The following MMP26 variants were observed in gnomAD, a reference collection of about 807,000 sequenced individuals.
MMP26 encodes matrix metallopeptidase 26.
In MMP26, 33 loss-of-function variants were observed where a neutral mutation model predicts 31.0. That is an observed-to-expected ratio of 1.06 (90% CI 0.81 to 1.42). The LOEUF is 1.42. Ranked by LOEUF, MMP26 falls within the 40% of genes most tolerant of loss-of-function variation. The pLI, the probability that MMP26 is intolerant of heterozygous loss-of-function variation, is 0.00. For synonymous variants in MMP26, 122 were observed against 114.9 expected (o/e 1.06, Z -0.40); for missense variants, 347 against 316.1 (o/e 1.10, Z -0.74).
intron 2 of MMP26, among the ~76,000 whole-genome samples, chr11:4,931,054 T>C (rs1851339729): frequency 6.6e-6 from 1 of 151,902 alleles, no homozygotes; most frequent in African/African-American, 2.4e-5. Flanking sequence ...AGTAGAAAGA[T>C]AGATAAATGT....
intron 2 of MMP26, among the ~76,000 whole-genome samples, chr11:4,938,643 C>T (rs1458440927): frequency 6.6e-6 from 1 of 151,956 alleles, no homozygotes; most frequent in Non-Finnish European, 1.5e-5. Context: ...CTCATAAAAC[C>T]AGTTATCTTA....
intron 2 of MMP26, chr11:4,859,689 G>T: frequency 4.2e-6 from 2 of 470,948 alleles, no homozygotes; most frequent in Non-Finnish European, 8.8e-6. Flanking sequence ...TGTAGACAAT[G>T]GGGTTTAGCA....
At chr11:4,930,295 A>C (rs1851328655) in intron 2 of MMP26, among the ~76,000 whole-genome samples, 1 of 152,092 alleles carries the variant, frequency 6.6e-6, no homozygotes. Flanking sequence ...TGAAGAAACC[A>C]TTTGTTGCCT....
intron 2 of MMP26, among the ~76,000 whole-genome samples, chr11:4,809,163 A>G (rs1387926146): frequency 1.3e-5 from 2 of 151,990 alleles, no homozygotes; most frequent in Non-Finnish European, 2.9e-5. Flanking sequence ...TCTCCCCAAC[A>G]CTGCTTTTAA....
chr11:4,933,991 G>A (rs891791535), intron 2 of MMP26, among the ~76,000 whole-genome samples: 14 of 145,398 alleles, frequency 9.6e-5, no homozygotes, highest in African/African-American at 3.6e-4. Context: ...CATTTGGCTT[G>A]GTTCCAAGTC....
chr11:4,897,072 C>G (rs1452837201), intron 2 of MMP26, among the ~76,000 whole-genome samples: 1 of 151,838 alleles, frequency 6.6e-6, no homozygotes, highest in East Asian at 1.9e-4. Flanking sequence ...TTACTCATGA[C>G]CTATCCTTAT....
intron 1 of MMP26, among the ~76,000 whole-genome samples, chr11:4,738,189 C>G (rs1408728196): frequency 6.6e-6 from 1 of 152,130 alleles, no homozygotes; most frequent in African/African-American, 2.4e-5. Flanking sequence ...TGTTTGCCAC[C>G]TTTCCTTCTT....
chr11:4,822,321 G>A, intron 2 of MMP26: 1 of 1,497,952 alleles, frequency 6.7e-7, no homozygotes, highest in Non-Finnish European at 8.9e-7. Context: ...AGATTAAGCA[G>A]ATTCAAAAGG....
rs1848045991 is a variant in MMP26 at position 4,723,354 on chromosome 11, C to T, written c.-217+18309C>T. On this transcript the variant is annotated intron_variant, in intron 1 of 7. Transcript: ENST00000380390. The stretch of plus-strand genomic sequence containing the variant: ...ACTTGATCTGGTGCATGCTCTCAGC[C>T]TCCGCCCGGCTGCGGTTGGAGATCA... 3 of 970,034 alleles carry T rather than the reference C, an allele frequency of 3.1e-6. No homozygotes were observed. In the Admixed American group the frequency reaches 5.1e-5, roughly 16 times the overall value. 60.1% of individuals were successfully genotyped at this position (970,034 alleles called of 1,614,324 possible). A position where few individuals can be genotyped will look rare whatever the true frequency, so the allele number is the denominator to read the frequency against.
chr11:4,971,523 T>G (rs1349569021), intron 2 of MMP26, among the ~76,000 whole-genome samples: 1 of 152,168 alleles, frequency 6.6e-6, no homozygotes, highest in Non-Finnish European at 1.5e-5. Context: ...GGAGAGGGAT[T>G]GGGCTCAACT....
In MMP26 at chr11:4,808,652, TC is replaced by T. The variant is rs536477720; in HGVS notation, c.-145+41312del. 5.3e-4 allele frequency among the ~76,000 whole-genome samples: 80 copies of T among 152,150 alleles called. 1 individual carries two copies. Among genetic ancestry groups the T allele is most frequent in the South Asian group, 3.5e-3 (17 of 4,808 alleles). On this transcript the variant is annotated intron_variant, in intron 2 of 7. Coordinates refer to ENST00000380390, the MANE Select transcript of MMP26 (RefSeq NM_021801.5). The stretch of plus-strand genomic sequence containing the variant: ...TTCTGTCTTCCCATTCACTCATACT[TC>T]TGACTCCCCAGTAGGCTTTTCACAG...
rs188136688 is a variant in MMP26, at chr11:4,754,347, A to G, written c.-216-12923A>G. 1.4e-4 allele frequency among the ~76,000 whole-genome samples: 21 copies of G among 152,040 alleles called. No homozygotes were observed. In the East Asian group the frequency reaches 2.3e-3, roughly 17 times the overall value. ...ATGTGGGACAGATATCTATATTTGA[A>G]GATTTCTGATTATTTAAAATTTGTA... On this transcript the variant is annotated intron_variant, in intron 1 of 7. Transcript: ENST00000380390.
chr11:4,934,888 G>A (rs1410788185), intron 2 of MMP26, among the ~76,000 whole-genome samples: 3 of 151,060 alleles, frequency 2.0e-5, no homozygotes, highest in Admixed American at 6.6e-5. Context: ...ATAGTTGTAG[G>A]TATGCGGCGT....
chr11:4,740,583 C>T (rs150241364), intron 1 of MMP26, among the ~76,000 whole-genome samples: 2,120 of 150,724 alleles, frequency 0.014, 46 homozygotes, highest in African/African-American at 0.049. Flanking sequence ...CTCAGGAGGC[C>T]GAGGCAGGAG....
chr11:4,825,755 A>G (rs1403964115), intron 2 of MMP26, among the ~76,000 whole-genome samples: 1 of 152,122 alleles, frequency 6.6e-6, no homozygotes, highest in Non-Finnish European at 1.5e-5. Context: ...TAGCAACCAG[A>G]TTTTGTTATC....
chr11:4,982,075 T>TATATACACACAATATAC (rs1219313989), intron 2 of MMP26, among the ~76,000 whole-genome samples: 8 of 151,624 alleles, frequency 5.3e-5, no homozygotes, highest in African/African-American at 1.9e-4. Flanking sequence ...TGTATATATA[T>TATATACACACAATATAC]ATATACACAC....
At chr11:4,960,991 T>C (rs768482544) in intron 2 of MMP26, among the ~76,000 whole-genome samples, 8 of 152,198 alleles carry the variant, frequency 5.3e-5, no homozygotes, top group Non-Finnish European at 1.0e-4. Context: ...TCAGTAATTG[T>C]ATGCACTCAG....
At chr11:4,833,528 G>A (rs563835442) in intron 2 of MMP26, among the ~76,000 whole-genome samples, 83 of 152,272 alleles carry the variant, frequency 5.5e-4, no homozygotes, top group Non-Finnish European at 9.6e-4. Context: ...GTCTAAGTAT[G>A]TTCTTTACTT....
intron 2 of MMP26, among the ~76,000 whole-genome samples, chr11:4,788,546 A>T (rs1848979437): frequency 6.6e-6 from 1 of 152,118 alleles, no homozygotes; most frequent in South Asian, 2.1e-4. Flanking sequence ...ACTGTACAGA[A>T]AAAAAATAGT....
Sources: gnomAD v4.1 joint callset for allele counts (sites outside exome capture counted in the v4.1 genomes callset) on GRCh38, gnomAD v4.1.1 for gene constraint, MANE v1.5 for transcripts, NCBI Gene and HGNC (gene_info 2026-07-23, HGNC 2026-07-21) for gene names.